The following KSR2 variants were observed in gnomAD, a reference collection of about 807,000 sequenced individuals.
KSR2 encodes the protein kinase suppressor of ras 2.
KSR2 carries 25 observed loss-of-function variants against 107.8 expected under a neutral mutation model. The observed-to-expected ratio is 0.23, with a 90% confidence interval of 0.17 to 0.32. The LOEUF (loss-of-function observed/expected upper bound fraction) is 0.32, where lower values mean the gene tolerates loss of function less well. Among genes scored for constraint, KSR2 ranks in the 10% least tolerant of loss-of-function variants. The pLI is 1.00. For synonymous variants in KSR2, 480 were observed against 507.0 expected (o/e 0.95, Z 0.71); for missense variants, 887 against 1,268.9 (o/e 0.70, Z 4.57).
At chr12:117,557,022 G>A (rs2137343465) in intron 8 of KSR2, among the ~76,000 whole-genome samples, 1 of 152,236 alleles carries the variant, frequency 6.6e-6, no homozygotes, top group East Asian at 1.9e-4. Context: ...AAAAGCAGCT[G>A]GGTATGGTGG....
At chr12:117,750,174 C>T (rs1466744847) in intron 4 of KSR2, among the ~76,000 whole-genome samples, 2 of 151,102 alleles carry the variant, frequency 1.3e-5, no homozygotes, top group East Asian at 2.0e-4. Context: ...CGCTTGAACC[C>T]GGGAGGCAGA....
At chr12:117,602,135 T>TC (rs1421067561) in intron 5 of KSR2, among the ~76,000 whole-genome samples, 1 of 152,260 alleles carries the variant, frequency 6.6e-6, no homozygotes, top group Admixed American at 6.5e-5. Flanking sequence ...TTGCTTTTTT[T>TC]CCACTTACTT....
intron 1 of KSR2, among the ~76,000 whole-genome samples, chr12:117,960,963 C>A (rs1343311411): frequency 6.6e-6 from 1 of 151,960 alleles, no homozygotes; most frequent in East Asian, 1.9e-4. Flanking sequence ...CCACACCTGA[C>A]TAATTTTTGT....
intron 4 of KSR2, among the ~76,000 whole-genome samples, chr12:117,669,586 G>A (rs945123772): frequency 1.3e-5 from 2 of 152,000 alleles, no homozygotes; most frequent in African/African-American, 4.8e-5. Flanking sequence ...AAAAAAAGAG[G>A]GCTGAGTGCA....
intron 1 of KSR2, among the ~76,000 whole-genome samples, chr12:117,912,032 A>G (rs947923454): frequency 6.6e-6 from 1 of 152,244 alleles, no homozygotes; most frequent in African/African-American, 2.4e-5. Context: ...CATTGAAAAC[A>G]TATCACCGAC....
intron 4 of KSR2, among the ~76,000 whole-genome samples, chr12:117,743,971 T>C (rs1242084595): frequency 6.6e-6 from 1 of 152,162 alleles, no homozygotes; most frequent in African/African-American, 2.4e-5. Context: ...AATTCTCAGC[T>C]CCCTTCACTT....
At chr12:117,745,634 T>C (rs1465514662) in intron 4 of KSR2, among the ~76,000 whole-genome samples, 2 of 152,188 alleles carry the variant, frequency 1.3e-5, no homozygotes, top group Non-Finnish European at 2.9e-5. Flanking sequence ...AGAGAGGATG[T>C]TGAATTGTCT....
At chr12:117,672,914 C>A (rs560751676) in intron 4 of KSR2, among the ~76,000 whole-genome samples, 30 of 152,328 alleles carry the variant, frequency 2.0e-4, no homozygotes, top group Admixed American at 4.6e-4. Context: ...CAGGCGTGGG[C>A]CACTGCGCCT....
intron 9 of KSR2, among the ~76,000 whole-genome samples, chr12:117,545,972 A>C (rs1159070602): frequency 1.3e-5 from 2 of 152,184 alleles, no homozygotes; most frequent in Non-Finnish European, 2.9e-5. Flanking sequence ...ACCACATCAG[A>C]AAGTGTTACA....
intron 1 of KSR2, among the ~76,000 whole-genome samples, chr12:117,910,900 G>T (rs533076312): frequency 1.3e-5 from 2 of 152,090 alleles, no homozygotes; most frequent in Non-Finnish European, 2.9e-5. Flanking sequence ...ACCACAGTTC[G>T]GTGCCTCCCA....
intron 14 of KSR2, among the ~76,000 whole-genome samples, chr12:117,521,863 C>G (rs763378684): frequency 3.3e-4 from 51 of 152,306 alleles, no homozygotes; most frequent in South Asian, 6.2e-4. Context: ...TGGTTTCAAA[C>G]TGAACGTGCA....
chr12:117,810,562 C>T (rs1449443621), intron 3 of KSR2, among the ~76,000 whole-genome samples: 1 of 152,240 alleles, frequency 6.6e-6, no homozygotes, highest in African/African-American at 2.4e-5. Context: ...ATTCTCCTGC[C>T]TTGGCTTCCC....
rs575809938 is a variant in KSR2 at position 117,554,444 on chromosome 12, G to A, written c.1518+725C>T. ...TCTGACAGATGTGTCAGAAAGCCCA[G>A]AACCATCTGCAAAGTTGGTCCTGGA... On this transcript the variant is annotated intron_variant, in intron 9 of 19. Coordinates refer to ENST00000339824, the MANE Select transcript of KSR2 (RefSeq NM_173598.6). 2.4e-4 allele frequency among the ~76,000 whole-genome samples: 36 copies of A among 152,256 alleles called. No homozygotes were observed. The East Asian group carries it at 6.6e-3, about 28-fold the overall frequency.
chr12:117,531,075 C>G lies in KSR2; in HGVS notation c.1730-62G>C. On this transcript the variant is annotated intron_variant, in intron 11 of 19. Coordinates refer to ENST00000339824, the MANE Select transcript of KSR2 (RefSeq NM_173598.6). ...TGAAGTCCACAACCCCCGCAAAGGC[C>G]TGATTCCTGGGCGACATGGCAGCCA... The G allele has an allele frequency of 2.9e-6, 4 of 1,386,680 alleles. No individual in the cohort carries two copies. In the South Asian group the frequency reaches 4.7e-5, roughly 16 times the overall value. The allele number at this position is 1,386,680 out of a possible 1,614,324, so 85.9% of individuals were successfully genotyped here.
At position 117,773,306 on chromosome 12, in the gene KSR2, G is replaced by A. The variant is rs1480192503; in HGVS notation, c.473-11782C>T. ...TGGGGAGAAGGGAATAGGTTTTTAA[G>A]AACTGAAAGGTCTGAAGATTGATTA... On this transcript the variant is annotated intron_variant, in intron 3 of 19. Transcript: ENST00000339824. 4.6e-5 allele frequency among the ~76,000 whole-genome samples: 7 copies of A among 152,292 alleles called. No individual in the cohort carries two copies. In the East Asian group the frequency reaches 1.4e-3, roughly 29 times the overall value.
chr12:117,483,649 G>GT (rs1206196125), intron 16 of KSR2, among the ~76,000 whole-genome samples: 1 of 152,204 alleles, frequency 6.6e-6, no homozygotes, highest in Admixed American at 6.5e-5. Context: ...AGATCAAGCT[G>GT]TTTCTCATGT....
At chr12:117,679,758 C>T (rs1254629873) in intron 4 of KSR2, among the ~76,000 whole-genome samples, 1 of 152,076 alleles carries the variant, frequency 6.6e-6, no homozygotes, top group African/African-American at 2.4e-5. Flanking sequence ...AGGAAGATTG[C>T]CTGGTGGTCT....
rs1894898832 is a variant in KSR2, at chr12:117,907,715, A to T, written c.181-47284T>A. ...CATGAAATGCAAATGAAGAGAAATT[A>T]ATGTGCTGGCTTTCCAGAAGTATCT... On this transcript the variant is annotated intron_variant, in intron 1 of 19. Coordinates refer to ENST00000339824, the MANE Select transcript of KSR2 (RefSeq NM_173598.6). The surrounding 1 kb of genome is among the most constrained non-coding windows in gnomAD (Gnocchi z 4.3). Among the ~76,000 whole-genome samples the T allele has an allele frequency of 6.6e-6, 1 of 152,214 alleles. No homozygotes were observed. The highest frequency in any genetic ancestry group is 1.5e-5 in the Non-Finnish European group (1 of 68,038).
At chr12:117,848,965 C>G (rs1313570416) in intron 3 of KSR2, among the ~76,000 whole-genome samples, 1 of 152,134 alleles carries the variant, frequency 6.6e-6, no homozygotes, top group African/African-American at 2.4e-5. Flanking sequence ...TGATCATCAT[C>G]CCCATCCTGC....
Sources: gnomAD v4.1 joint callset for allele counts (sites outside exome capture counted in the v4.1 genomes callset) on GRCh38, gnomAD v4.1.1 for gene constraint, Gnocchi (gnomAD v3.1) non-coding constraint, MANE v1.5 for transcripts, NCBI Gene and HGNC (gene_info 2026-07-23, HGNC 2026-07-21) for gene names.